Variants in PCDH15 observed in about 807,000 individuals in gnomAD.
The protein encoded by PCDH15 is protocadherin-15.
In PCDH15, 129 loss-of-function variants were observed where a neutral mutation model predicts 178.5. The ratio of observed to expected loss-of-function variants is 0.72; its 90% CI spans 0.63 to 0.84. The LOEUF (loss-of-function observed/expected upper bound fraction) is 0.84. PCDH15 is among the 40% of genes least tolerant of loss of function. PCDH15 has a pLI of 0.00. For synonymous variants in PCDH15, 800 were observed against 732.0 expected (o/e 1.09, Z -1.50); for missense variants, 2,230 against 2,099.9 (o/e 1.06, Z -1.21).
intron 2 of PCDH15, among the ~76,000 whole-genome samples, chr10:55,375,783 A>T (rs1176273898): frequency 1.3e-5 from 2 of 151,976 alleles, no homozygotes; most frequent in Admixed American, 6.6e-5. Flanking sequence ...TACCTAATTA[A>T]CACTTTCTCT....
At chr10:55,463,989 AAGAGAAAGAAAGAAAG>A (rs1565165840) in intron 2 of PCDH15, among the ~76,000 whole-genome samples, 187 of 17,292 alleles carry the variant, frequency 0.011, 21 homozygotes, top group African/African-American at 0.045. Flanking sequence ...GAAAGAAAGA[AAGAGAAAGAAAGAAAG>A]AAAGAAAGAA....
chr10:54,750,699 G>A (rs1324889064), intron 1 of PCDH15, among the ~76,000 whole-genome samples: 15 of 152,004 alleles, frequency 9.9e-5, no homozygotes, highest in South Asian at 2.1e-4. Flanking sequence ...AAAATAAAAT[G>A]CAAATACCAA....
chr10:54,890,982 A>G (rs143620824), intron 3 of PCDH15, among the ~76,000 whole-genome samples: 1 of 152,228 alleles, frequency 6.6e-6, no homozygotes, highest in Non-Finnish European at 1.5e-5. Flanking sequence ...AAGGATGAGC[A>G]AGTCAAGGAA....
rs10526141 is a variant in PCDH15 at position 54,450,130 on chromosome 10, AATATATAT to A, written c.158-71196_158-71189del. On this transcript the variant is annotated intron_variant, in intron 3 of 37. Coordinates refer to ENST00000644397, the MANE Select transcript of PCDH15 (RefSeq NM_001384140.1). ...GGCAGATGACTATTCCTTTTTTATA[AATATATAT>A]ATATATATATATATATATATTATAC... 1.4e-3 allele frequency among the ~76,000 whole-genome samples: 195 copies of A among 137,162 alleles called. 1 individual carries two copies. The highest frequency in any genetic ancestry group is 2.9e-3 in the East Asian group (14 of 4,756). The allele number at this position is 137,162 out of a possible 152,430, so 90.0% of individuals were successfully genotyped here.
chr10:54,653,377 T>C (rs1354433698), intron 2 of PCDH15, among the ~76,000 whole-genome samples: 1 of 152,202 alleles, frequency 6.6e-6, no homozygotes, highest in Non-Finnish European at 1.5e-5. Context: ...AGTAATTTAC[T>C]ATAGCCACAG....
intron 13 of PCDH15, among the ~76,000 whole-genome samples, chr10:54,157,466 C>A (rs1251518801): frequency 1.3e-5 from 2 of 152,182 alleles, no homozygotes; most frequent in African/African-American, 4.8e-5. Context: ...GGCTGGGACA[C>A]AGGACACCAA....
intron 2 of PCDH15, among the ~76,000 whole-genome samples, chr10:54,934,934 A>G (rs1011389150): frequency 6.6e-6 from 1 of 152,168 alleles, no homozygotes; most frequent in African/African-American, 2.4e-5. Flanking sequence ...TTGAAGGGAC[A>G]TGGATGAAAC....
chr10:54,438,630 T>G (rs892100912), intron 3 of PCDH15, among the ~76,000 whole-genome samples: 11 of 152,100 alleles, frequency 7.2e-5, no homozygotes, highest in Non-Finnish European at 4.4e-5. Context: ...CAACTTGCCA[T>G]GTTTAGCTTC....
chr10:53,950,045 C>T (rs902129101), intron 23 of PCDH15, among the ~76,000 whole-genome samples: 5 of 151,886 alleles, frequency 3.3e-5, no homozygotes, highest in Non-Finnish European at 7.4e-5. Context: ...AAAACTAATT[C>T]GTATGAATCA....
chr10:55,090,323 C>A (rs998215104), intron 2 of PCDH15, among the ~76,000 whole-genome samples: 7 of 151,782 alleles, frequency 4.6e-5, no homozygotes, highest in Non-Finnish European at 4.4e-5. Context: ...AGAGTAGAGC[C>A]TTAGGGAAAA....
chr10:55,120,730 T>C (rs141254925), intron 2 of PCDH15, among the ~76,000 whole-genome samples: 110 of 152,314 alleles, frequency 7.2e-4, no homozygotes, highest in African/African-American at 2.4e-3. Flanking sequence ...TGCTCCCTCA[T>C]TCTTGTGCAG....
rs536799502 is a variant in PCDH15, at chr10:54,949,804, G to T, written c.-79-52304C>A. Among the ~76,000 whole-genome samples the T allele has an allele frequency of 8.6e-5, 13 of 152,044 alleles. No individual in the cohort carries two copies. In the South Asian group the frequency reaches 2.7e-3, roughly 32 times the overall value. On this transcript the variant is annotated intron_variant, in intron 2 of 5. Transcript: ENST00000458638. The stretch of plus-strand genomic sequence containing the variant: ...TAGATCTCTAGGACAGGGGCCAAAT[G>T]CTGCCAGTCTCTTTGCTAAAGCATA...
At chr10:54,179,502 T>C (rs2047772740) in intron 13 of PCDH15, among the ~76,000 whole-genome samples, 1 of 151,826 alleles carries the variant, frequency 6.6e-6, no homozygotes, top group African/African-American at 2.4e-5. Flanking sequence ...CACACCAGCA[T>C]GGCACATGTA....
intron 2 of PCDH15, among the ~76,000 whole-genome samples, chr10:55,071,276 A>G (rs2132013317): frequency 8.4e-6 from 1 of 118,634 alleles, no homozygotes; most frequent in South Asian, 2.9e-4. Context: ...ACTGGACTAA[A>G]TGCTCCAATT....
At chr10:54,469,553 G>A (rs952548502) in intron 3 of PCDH15, among the ~76,000 whole-genome samples, 11 of 150,140 alleles carry the variant, frequency 7.3e-5, no homozygotes, top group Non-Finnish European at 1.0e-4. Context: ...CTGGGGACAG[G>A]GCCATCAGGT....
At chr10:54,821,926 T>C (rs1468013653) in intron 3 of PCDH15, among the ~76,000 whole-genome samples, 1 of 152,174 alleles carries the variant, frequency 6.6e-6, no homozygotes, top group East Asian at 1.9e-4. Context: ...ATTACTTTGC[T>C]ACAGTCCCTC....
chr10:55,464,967 G>GCCT (rs796655192), intron 2 of PCDH15, among the ~76,000 whole-genome samples: 8 of 151,662 alleles, frequency 5.3e-5, no homozygotes, highest in African/African-American at 1.9e-4. Context: ...TAAGAAGAGG[G>GCCT]AGACCTTGAA....
chr10:55,040,022 C>T (rs1235078679), intron 2 of PCDH15, among the ~76,000 whole-genome samples: 1 of 151,794 alleles, frequency 6.6e-6, no homozygotes, highest in East Asian at 1.9e-4. Flanking sequence ...TGGCTGTAAA[C>T]AGAATTACCC....
intron 14 of PCDH15, among the ~76,000 whole-genome samples, chr10:54,142,573 G>C (rs2043510434): frequency 6.6e-6 from 1 of 152,126 alleles, no homozygotes; most frequent in Admixed American, 6.6e-5. Context: ...AATGATGCAA[G>C]GTCAGTGTCT....
Sources: gnomAD v4.1 joint callset for allele counts (sites outside exome capture counted in the v4.1 genomes callset) on GRCh38, gnomAD v4.1.1 for gene constraint, MANE v1.5 for transcripts, NCBI Gene and HGNC (gene_info 2026-07-23, HGNC 2026-07-21) for gene names.